NAP1L4: variants seen among roughly 807,000 people sequenced by gnomAD.
NAP1L4 encodes nucleosome assembly protein 1-like 4.
In NAP1L4, 15 loss-of-function variants were observed where a neutral mutation model predicts 58.2. That is an observed-to-expected ratio of 0.26 (90% CI 0.17 to 0.40). NAP1L4 has a LOEUF of 0.40. Among genes scored for constraint, NAP1L4 ranks in the 10% least tolerant of loss-of-function variants. The probability of loss-of-function intolerance (pLI) is 1.00; values close to 1 mark genes in which losing one functional copy is unlikely to be tolerated. For synonymous variants in NAP1L4, 171 were observed against 155.6 expected, an observed-to-expected ratio of 1.10 and a Z score of -0.74; for missense variants, 384 against 451.1, an observed-to-expected ratio of 0.85 and a Z score of 1.35.
chr11:2,989,670 G>C (rs1028261838), intron 1 of NAP1L4, among the ~76,000 whole-genome samples: 2 of 152,168 alleles, frequency 1.3e-5, no homozygotes, highest in African/African-American at 4.8e-5. Context: ...AAAGATTTCA[G>C]TCCCCACACT....
chr11:2,975,098 G>A (rs1315074881), intron 4 of NAP1L4, among the ~76,000 whole-genome samples: 1 of 151,576 alleles, frequency 6.6e-6, no homozygotes. Context: ...GGCCTCCTGG[G>A]AGACCAAGCC....
intron 12 of NAP1L4, chr11:2,952,468 G>A (rs1452849587): frequency 5.9e-5 from 9 of 152,432 alleles, no homozygotes; most frequent in Admixed American, 5.2e-4. Flanking sequence ...TGCATAACAA[G>A]GGTAGTGCAT....
At chr11:2,958,247 C>A (rs1226543521) in intron 10 of NAP1L4, 152 bp downstream of exon 10, 1 of 800,318 alleles carries the variant, frequency 1.2e-6, no homozygotes, top group South Asian at 1.4e-5. Flanking sequence ...GCCAGCGCAC[C>A]AACAGAACAG....
intron 1 of NAP1L4, among the ~76,000 whole-genome samples, chr11:2,985,069 T>G (rs552034704): frequency 6.6e-6 from 1 of 152,222 alleles, no homozygotes; most frequent in Non-Finnish European, 1.5e-5. Context: ...CTGAAGGTAA[T>G]TTTATACAAT....
At chr11:2,986,897 G>A (rs1848668046) in intron 1 of NAP1L4, among the ~76,000 whole-genome samples, 1 of 127,580 alleles carries the variant, frequency 7.8e-6, no homozygotes, top group Admixed American at 8.5e-5. Context: ...CCAAAGTGCT[G>A]GGATTACAGG....
At chr11:2,985,356 T>C (rs1848558260) in intron 1 of NAP1L4, among the ~76,000 whole-genome samples, 1 of 152,088 alleles carries the variant, frequency 6.6e-6, no homozygotes, top group Non-Finnish European at 1.5e-5. Flanking sequence ...AACAGAAAGT[T>C]ATAAGGAACT....
Position 2,976,101 on chromosome 11 carries a change from CATCACCTG to C in NAP1L4, c.88_95del (p.Gln30AlafsTer14). 6.2e-7 allele frequency: 1 copy of C among 1,613,922 alleles called. No homozygotes were observed. Among genetic ancestry groups the C allele is most frequent in the Non-Finnish European group, 8.5e-7 (1 of 1,179,954 alleles). On this transcript the variant is annotated frameshift_variant, in exon 4 of 16. Transcript: ENST00000380542. LOFTEE classifies it high-confidence loss of function. ...AAGCTGCCAGAACTCGAGGATTCTGCATCACCTGATCTGTGAGCTTTTCTATGAAGAGT... is the reference window on the plus strand; with the variant it reads ...AAGCTGCCAGAACTCGAGGATTCTGCATCTGTGAGCTTTTCTATGAAGAGT...
chr11:2,963,813 G>T, intron 8 of NAP1L4: 1 of 519,298 alleles, frequency 1.9e-6, no homozygotes, highest in Non-Finnish European at 3.8e-6. Flanking sequence ...CAGTCAGTCA[G>T]TCATGTGTCG....
intron 7 of NAP1L4, among the ~76,000 whole-genome samples, chr11:2,968,457 CAG>C (rs1485602826): frequency 1.3e-5 from 2 of 152,106 alleles, no homozygotes; most frequent in Non-Finnish European, 2.9e-5. Context: ...AAAGGAAGCT[CAG>C]ATCAGGAAAA....
intron 12 of NAP1L4, among the ~76,000 whole-genome samples, chr11:2,953,903 AT>A (rs1413302117): frequency 7.9e-5 from 12 of 152,198 alleles, no homozygotes; most frequent in Non-Finnish European, 4.4e-5. Context: ...ACAAAACTTT[AT>A]TTTCCACAGA....
rs764630130 is a variant in NAP1L4 at position 2,958,479 on chromosome 11, T to C, written c.812A>G (p.His271Arg). ...TVKTIKKKQK[H>R]KGRGTVRTIT... ...TGTTCTAACAGTGCCTCGACCCTTA[T>C]GCTTCTGCTTTTTCTTGATGGTTTT... The change falls in exon 10 of 16, where the codon CAT becomes CGT. Residue 271 changes from histidine (H) to arginine (R), a missense_variant. Physicochemically the swap from His to Arg is conservative, Grantham distance 29. Coordinates refer to ENST00000380542, the MANE Select transcript of NAP1L4 (RefSeq NM_005969.4). 3 of 1,614,234 alleles carry C rather than the reference T, an allele frequency of 1.9e-6. No individual in the cohort carries two copies. The highest frequency in any genetic ancestry group is 2.5e-6 in the Non-Finnish European group (3 of 1,180,038).
At position 2,954,274 on chromosome 11, in the gene NAP1L4, G is replaced by A; in HGVS notation, c.1035+253C>T. 1.8e-6 allele frequency: 1 copy of A among 570,796 alleles called. No homozygotes were observed. The highest frequency in any genetic ancestry group is 2.0e-5 in the South Asian group (1 of 49,450). The allele number at this position is 570,796 out of a possible 1,614,324, so 35.4% of individuals were successfully genotyped here. On this transcript the variant is annotated intron_variant, in intron 12 of 15. Transcript: ENST00000380542. The surrounding 1 kb of genome is among the most constrained non-coding windows in gnomAD (Gnocchi z 4.8). Reference sequence around the variant, plus strand: ...GAGAATATTGTTGAGTCACTAGGCAGGGCTCACATAGGAAACTGGCAATCA... The same window carrying A: ...GAGAATATTGTTGAGTCACTAGGCAAGGCTCACATAGGAAACTGGCAATCA...
At position 2,949,364 on chromosome 11, in the gene NAP1L4, A is replaced by C; in HGVS notation, c.1123-100T>G. On this transcript the variant is annotated intron_variant, in intron 14 of 15. Transcript: ENST00000380542. This position sits in a 1 kb window ranked among gnomAD's most constrained non-coding sequence, Gnocchi z 4.0. Reference sequence around the variant, plus strand: ...ACGGCCACAATTTCTCATGATACAAAAGGGCTGCAAGATACTGAACTCGGG... The same window carrying C: ...ACGGCCACAATTTCTCATGATACAACAGGGCTGCAAGATACTGAACTCGGG... 1.0e-6 allele frequency: 1 copy of C among 956,582 alleles called. No individual in the cohort carries two copies. The highest frequency in any genetic ancestry group is 1.6e-5 in the African/African-American group (1 of 61,700). The allele number at this position is 956,582 out of a possible 1,614,324, so 59.3% of individuals were successfully genotyped here.
chr11:2,969,678 G>C (rs1847517445), intron 7 of NAP1L4, 125 bp downstream of exon 7: 3 of 1,037,486 alleles, frequency 2.9e-6, no homozygotes, highest in Admixed American at 3.2e-5. Flanking sequence ...CCTGGTCAGA[G>C]AAAGTGCCCT....
chr11:2,988,440 G>A (rs1407768754), intron 1 of NAP1L4, among the ~76,000 whole-genome samples: 1 of 152,196 alleles, frequency 6.6e-6, no homozygotes, highest in Non-Finnish European at 1.5e-5. Context: ...TCCCATAGCA[G>A]AAACAAGGAC....
At chr11:2,962,226 G>C (rs868748089) in intron 8 of NAP1L4, among the ~76,000 whole-genome samples, 2 of 152,260 alleles carry the variant, frequency 1.3e-5, no homozygotes, top group Middle Eastern at 3.2e-3. Context: ...GTTCAAGTAT[G>C]CTGATCATAA....
At chr11:2,953,847 G>C (rs1846371002) in intron 12 of NAP1L4, among the ~76,000 whole-genome samples, 1 of 152,114 alleles carries the variant, frequency 6.6e-6, no homozygotes, top group African/African-American at 2.4e-5. Context: ...AGCTCCACAA[G>C]AAAGAGAGTA....
chr11:2,983,527 T>C (rs1564991359), intron 1 of NAP1L4, among the ~76,000 whole-genome samples: 1 of 151,818 alleles, frequency 6.6e-6, no homozygotes, highest in Non-Finnish European at 1.5e-5. Context: ...CGGCATGTGC[T>C]GTTTAATACA....
chr11:2,976,012 C>G lies in NAP1L4; in HGVS notation c.173+12G>C. Reference sequence around the variant, plus strand: ...TCCAAATTGCATGAGACCCTATTCACAGCACACTTACGTTTCGATGTAGCT... The same window carrying G: ...TCCAAATTGCATGAGACCCTATTCAGAGCACACTTACGTTTCGATGTAGCT... On this transcript the variant is annotated intron_variant, in intron 4 of 15. Coordinates refer to ENST00000380542, the MANE Select transcript of NAP1L4 (RefSeq NM_005969.4). 6.2e-7 allele frequency: 1 copy of G among 1,605,158 alleles called. No homozygotes were observed. The highest frequency in any genetic ancestry group is 1.1e-5 in the South Asian group (1 of 89,472).
Sources: allele counts gnomAD v4.1 joint callset (sites outside exome capture counted in the v4.1 genomes callset), GRCh38; gene constraint gnomAD v4.1.1; non-coding constraint Gnocchi (gnomAD v3.1); transcripts MANE v1.5; gene names NCBI Gene and HGNC (gene_info 2026-07-23, HGNC 2026-07-21).